The following INPP5D variants were observed in gnomAD, a reference collection of about 807,000 sequenced individuals.
INPP5D encodes the protein phosphatidylinositol 3,4,5-trisphosphate 5-phosphatase 1.
Under a neutral mutation model 122.9 loss-of-function variants are expected in INPP5D, and 33 were observed. That is an observed-to-expected ratio of 0.27 (90% CI 0.20 to 0.36). The LOEUF (loss-of-function observed/expected upper bound fraction) is 0.36. INPP5D is among the 10% of genes least tolerant of loss of function. The probability of loss-of-function intolerance (pLI) is 1.00; values close to 1 mark genes in which losing one functional copy is unlikely to be tolerated. For synonymous variants in INPP5D, 584 were observed against 576.2 expected (o/e 1.01, Z -0.19); for missense variants, 1,053 against 1,412.7 (o/e 0.75, Z 4.08).
intron 24 of INPP5D, 72 bp downstream of exon 24, chr2:233,195,567 C>T: frequency 6.2e-7 from 1 of 1,600,992 alleles, no homozygotes; most frequent in Non-Finnish European, 8.5e-7. Context: ...CATGGTTTGG[C>T]CGGGTGCGAT....
chr2:233,176,920 T>G (rs1038667585), intron 17 of INPP5D, among the ~76,000 whole-genome samples: 2 of 151,918 alleles, frequency 1.3e-5, no homozygotes, highest in Admixed American at 6.6e-5. Context: ...AGTAAGTGAC[T>G]GCAGAAAGTG....
intron 21 of INPP5D, among the ~76,000 whole-genome samples, chr2:233,186,824 G>C (rs1412381627): frequency 6.9e-6 from 1 of 145,362 alleles, no homozygotes; most frequent in Non-Finnish European, 1.5e-5. Context: ...CCAGGTTCAA[G>C]CGATTCTCCT....
intron 1 of INPP5D, among the ~76,000 whole-genome samples, chr2:233,077,458 G>A (rs1056351638): frequency 6.6e-6 from 1 of 151,940 alleles, no homozygotes; most frequent in Admixed American, 6.6e-5. Context: ...GTCAGGAGTC[G>A]AGACCAGCCT....
chr2:233,171,879 C>G (rs994005669), intron 17 of INPP5D, among the ~76,000 whole-genome samples: 1 of 152,190 alleles, frequency 6.6e-6, no homozygotes, highest in Non-Finnish European at 1.5e-5. Context: ...GGTCAAATGG[C>G]TGGGACGGTG....
At chr2:233,191,035 T>G (rs1309714015) in intron 22 of INPP5D, among the ~76,000 whole-genome samples, 2 of 152,112 alleles carry the variant, frequency 1.3e-5, no homozygotes, top group Admixed American at 1.3e-4. Context: ...GGCCTGGGAT[T>G]GGGGAAAGGG....
At chr2:233,192,436 A>G (rs963452328) in intron 22 of INPP5D, among the ~76,000 whole-genome samples, 2 of 152,152 alleles carry the variant, frequency 1.3e-5, no homozygotes, top group Admixed American at 1.3e-4. Context: ...TCACATTTCC[A>G]GCCTCATACA....
intron 5 of INPP5D, among the ~76,000 whole-genome samples, chr2:233,134,916 G>A (rs932546896): frequency 3.3e-5 from 5 of 152,082 alleles, no homozygotes; most frequent in Non-Finnish European, 7.4e-5. Flanking sequence ...ACAAAACAGA[G>A]TAGAGTGTCA....
chr2:233,157,255 G>A lies in INPP5D; in HGVS notation c.1031-1058G>A, dbSNP rs530767441. On this transcript the variant is annotated intron_variant, in intron 9 of 26. Transcript: ENST00000445964. ...GGGATTTAATACGAGAGAGAGAAAC[G>A]TATTCCTGGATTATGAAGTAAGGCC... Among the ~76,000 whole-genome samples the A allele has an allele frequency of 2.6e-5, 4 of 152,280 alleles. No homozygotes were observed. The South Asian group carries it at 6.2e-4, about 24-fold the overall frequency.
intron 21 of INPP5D, among the ~76,000 whole-genome samples, chr2:233,186,233 C>T (rs1253049793): frequency 6.6e-6 from 1 of 152,130 alleles, no homozygotes; most frequent in Non-Finnish European, 1.5e-5. Flanking sequence ...AGGTGCAGGG[C>T]CAAGCGCTGT....
intron 3 of INPP5D, among the ~76,000 whole-genome samples, chr2:233,122,922 G>A (rs1023699608): frequency 3.3e-5 from 5 of 152,220 alleles, no homozygotes; most frequent in African/African-American, 7.2e-5. Flanking sequence ...GCCTCTCATG[G>A]TATCTCAAGG....
chr2:233,151,156 C>G (rs966577480), intron 9 of INPP5D, among the ~76,000 whole-genome samples: 1 of 151,966 alleles, frequency 6.6e-6, no homozygotes, highest in African/African-American at 2.4e-5. Flanking sequence ...ATCACTGGCC[C>G]TAAGAAAATC....
At chr2:233,118,673 ACAG>A (rs376588549) in intron 2 of INPP5D, among the ~76,000 whole-genome samples, 7 of 152,318 alleles carry the variant, frequency 4.6e-5, no homozygotes, top group African/African-American at 1.7e-4. Context: ...CCCACTGCAC[ACAG>A]CAGGTTTTCC....
At position 233,183,064 on chromosome 2, in the gene INPP5D, C is replaced by T. The variant is rs1694823996; in HGVS notation, c.2161+565C>T. Among the ~76,000 whole-genome samples the T allele has an allele frequency of 1.3e-5, 2 of 152,124 alleles. No individual in the cohort carries two copies. Among genetic ancestry groups the T allele is most frequent in the African/African-American group, 4.8e-5 (2 of 41,408 alleles). ...GCAAATGACTGAGTTTTGGGAAACA[C>T]CACAGTAAATAATATTTAGATTTGC... On this transcript the variant is annotated intron_variant, in intron 19 of 26. Coordinates refer to ENST00000445964, the MANE Select transcript of INPP5D (RefSeq NM_001017915.3). This position sits in a 1 kb window ranked among gnomAD's most constrained non-coding sequence, Gnocchi z 4.6.
At position 233,188,337 on chromosome 2, in the gene INPP5D, A is replaced by T. The variant is rs1694970378; in HGVS notation, c.2359-1513A>T. Among the ~76,000 whole-genome samples the T allele has an allele frequency of 6.6e-6, 1 of 151,602 alleles. No individual in the cohort carries two copies. The highest frequency in any genetic ancestry group is 2.4e-5 in the African/African-American group (1 of 41,214). On this transcript the variant is annotated intron_variant, in intron 21 of 26. Transcript: ENST00000445964. The surrounding 1 kb of genome is among the most constrained non-coding windows in gnomAD (Gnocchi z 4.7). Reference sequence around the variant, plus strand: ...GTTCTCCTCCCTGCCACCGCCTGCCAGGGTGGTGGTGTCGCACAGAGACAT... The same window carrying T: ...GTTCTCCTCCCTGCCACCGCCTGCCTGGGTGGTGGTGTCGCACAGAGACAT...
At chr2:233,136,389 G>A (rs766930669) in intron 5 of INPP5D, among the ~76,000 whole-genome samples, 1 of 151,772 alleles carries the variant, frequency 6.6e-6, no homozygotes, top group South Asian at 2.1e-4. Flanking sequence ...TGAGGTAGGA[G>A]AATCGCTTGA....
intron 14 of INPP5D, 108 bp from the exon 15 acceptor site, chr2:233,169,918 C>T: frequency 1.3e-6 from 2 of 1,566,230 alleles, no homozygotes; most frequent in Non-Finnish European, 1.7e-6. Context: ...TCACTTCCCC[C>T]CACCTGCTAT....
Position 233,100,476 on chromosome 2 carries a change from T to C in INPP5D, c.198+21078T>C, listed in dbSNP as rs1692278580. Among the ~76,000 whole-genome samples the C allele has an allele frequency of 6.6e-6, 1 of 152,156 alleles. No homozygotes were observed. The highest frequency in any genetic ancestry group is 1.5e-5 in the Non-Finnish European group (1 of 68,032). On this transcript the variant is annotated intron_variant, in intron 2 of 26. Coordinates refer to ENST00000445964, the MANE Select transcript of INPP5D (RefSeq NM_001017915.3). The surrounding 1 kb of genome is among the most constrained non-coding windows in gnomAD (Gnocchi z 5.3). ...GGTGGACGTCAAGCTCACTACACTG[T>C]AAACTCCAAAACAGCCCACGTTACT...
chr2:233,164,392 A>T lies in INPP5D; in HGVS notation c.1523A>T (p.Asp508Val). 6.4e-7 allele frequency: 1 copy of T among 1,552,470 alleles called. No individual in the cohort carries two copies. Among genetic ancestry groups the T allele is most frequent in the Non-Finnish European group, 8.7e-7 (1 of 1,147,382 alleles). The change falls in exon 13 of 27, where the codon GAC becomes GTC. Residue 508 changes from aspartate to valine, a missense_variant. Physicochemically the swap from Asp to Val is radical, Grantham distance 152. Coordinates refer to ENST00000445964, the MANE Select transcript of INPP5D (RefSeq NM_001017915.3). This position sits in a 1 kb window ranked among gnomAD's most constrained non-coding sequence, Gnocchi z 4.3. The stretch of plus-strand genomic sequence containing the variant: ...AACCGGATCAGCCACATCTGTACTG[A>T]CAACGTGAAGACAGGCATTGCAAAC... ...HENRISHICT[D>V]NVKTGIANTL...
At chr2:233,204,934 C>T in intron 26 of INPP5D, 1 of 693,610 alleles carries the variant, frequency 1.4e-6, no homozygotes, top group East Asian at 3.3e-5. Context: ...GTCTGCCTGT[C>T]CCACACATCC....
Sources: gnomAD v4.1 joint callset for allele counts (sites outside exome capture counted in the v4.1 genomes callset) on GRCh38, gnomAD v4.1.1 for gene constraint, Gnocchi (gnomAD v3.1) non-coding constraint, MANE v1.5 for transcripts, NCBI Gene and HGNC (gene_info 2026-07-23, HGNC 2026-07-21) for gene names.